Variants in DOCK2 observed in about 807,000 individuals in gnomAD.
DOCK2 encodes the protein dedicator of cytokinesis 2, also known as dedicator of cytokinesis protein 2.
In DOCK2, 87 loss-of-function variants were observed where a neutral mutation model predicts 248.9. The observed-to-expected ratio is 0.35, with a 90% CI of 0.29 to 0.42. The LOEUF is 0.42. Ranked by LOEUF, DOCK2 falls within the 10% of genes least tolerant of loss-of-function variation. The pLI, the probability that DOCK2 is intolerant of heterozygous loss-of-function variation, is 1.00. For synonymous variants in DOCK2, 805 were observed against 821.6 expected (o/e 0.98, Z 0.35); for missense variants, 1,747 against 2,300.2 (o/e 0.76, Z 4.92).
chr5:169,673,693 TTC>T (rs943393992), intron 5 of DOCK2, among the ~76,000 whole-genome samples: 1 of 152,126 alleles, frequency 6.6e-6, no homozygotes, highest in Non-Finnish European at 1.5e-5. Context: ...TCCAAACCTT[TTC>T]TCTCTGTTTG....
At chr5:169,805,481 C>A (rs528396215) in intron 26 of DOCK2, among the ~76,000 whole-genome samples, 1 of 152,280 alleles carries the variant, frequency 6.6e-6, no homozygotes, top group South Asian at 2.1e-4. Context: ...TGCTCAGATC[C>A]CTTTAAATGG....
At chr5:169,967,337 T>A (rs1428377506) in intron 27 of DOCK2, among the ~76,000 whole-genome samples, 7 of 152,066 alleles carry the variant, frequency 4.6e-5, no homozygotes, top group African/African-American at 1.7e-4. Context: ...GTTTAAAAGG[T>A]AGGTAGATAC....
At chr5:169,696,246 G>A (rs867987897) in intron 10 of DOCK2, among the ~76,000 whole-genome samples, 2 of 152,146 alleles carry the variant, frequency 1.3e-5, no homozygotes, top group African/African-American at 4.8e-5. Flanking sequence ...AACAATACAG[G>A]CAGGATCTAA....
chr5:169,780,540 C>T (rs189547116), intron 25 of DOCK2, among the ~76,000 whole-genome samples: 6 of 152,252 alleles, frequency 3.9e-5, no homozygotes, highest in African/African-American at 1.4e-4. Flanking sequence ...TCCATGTATT[C>T]GGGATCTCAG....
rs1308524201 is a variant in DOCK2 at position 169,771,563 on chromosome 5, G to A, written c.2554+9938G>A. 2.0e-5 allele frequency among the ~76,000 whole-genome samples: 3 copies of A among 152,288 alleles called. No homozygotes were observed. In the East Asian group the frequency reaches 5.8e-4, roughly 29 times the overall value. ...CCCAAAGTGCTGAGATTACAGGTGT[G>A]AGCCACCGCACCCGGCCTTTTGTCT... On this transcript the variant is annotated intron_variant, in intron 25 of 51. Transcript: ENST00000520908.
At chr5:170,024,985 C>T (rs1755854253) in intron 33 of DOCK2, among the ~76,000 whole-genome samples, 1 of 152,188 alleles carries the variant, frequency 6.6e-6, no homozygotes, top group Non-Finnish European at 1.5e-5. Context: ...TTCAGCTCAC[C>T]AGGAAGAATC....
intron 27 of DOCK2, among the ~76,000 whole-genome samples, chr5:169,866,675 A>G (rs1771582447): frequency 6.6e-6 from 1 of 152,206 alleles, no homozygotes; most frequent in Admixed American, 6.5e-5. Flanking sequence ...GAGACCTTCT[A>G]GCCAAAGCCC....
At chr5:169,778,508 G>A (rs1320314921) in intron 25 of DOCK2, among the ~76,000 whole-genome samples, 1 of 152,178 alleles carries the variant, frequency 6.6e-6, no homozygotes, top group Non-Finnish European at 1.5e-5. Flanking sequence ...ACAAAAGTCA[G>A]GAAGGCAACA....
At chr5:169,965,278 G>A (rs1363187900) in intron 27 of DOCK2, among the ~76,000 whole-genome samples, 3 of 152,228 alleles carry the variant, frequency 2.0e-5, no homozygotes, top group African/African-American at 7.2e-5. Context: ...TTCTTCAGCT[G>A]CGGGCTGGGG....
At position 169,714,055 on chromosome 5, in the gene DOCK2, A is replaced by G; in HGVS notation, c.1687A>G (p.Ser563Gly). The change falls in exon 18 of 52, where the codon AGC (serine) becomes GGC (glycine). Residue 563 changes from serine (S) to glycine (G), a missense_variant. This residue lies in a region of DOCK2 where 858 missense variants were observed against 1,183.5 expected (regional missense o/e 0.72). Coordinates refer to ENST00000520908, the MANE Select transcript of DOCK2 (RefSeq NM_004946.3). ...KGDSKKMEDA[S>G]AYLTLPSYRH... Reference sequence around the variant, plus strand: ...GGACAGCAAGAAGATGGAGGATGCCAGCGCATACCTGACCCTTCCTTCTTA... The same window carrying G: ...GGACAGCAAGAAGATGGAGGATGCCGGCGCATACCTGACCCTTCCTTCTTA... 1 of 1,608,194 alleles carries G rather than the reference A, an allele frequency of 6.2e-7. No homozygotes were observed. The highest frequency in any genetic ancestry group is 8.5e-7 in the Non-Finnish European group (1 of 1,176,152).
At position 169,711,957 on chromosome 5, in the gene DOCK2, T is replaced by G; in HGVS notation, c.1505T>G (p.Met502Arg). ...GAGGTGGCTGTCCCTATTGAAGACA[T>G]GCAGAGGATCCATCTGCGATTCATG... ...TVKVAVPIED[M>R]QRIHLRFMFR... Residue 502 changes from methionine to arginine, a missense_variant, in exon 16 of 52, where the codon ATG becomes AGG. This residue lies in a region of DOCK2 where 858 missense variants were observed against 1,183.5 expected (regional missense o/e 0.72). Transcript: ENST00000520908. The G allele has an allele frequency of 6.2e-7, 1 of 1,614,080 alleles. No homozygotes were observed. The highest frequency in any genetic ancestry group is 8.5e-7 in the Non-Finnish European group (1 of 1,179,964).
Position 170,079,113 on chromosome 5 carries a change from T to C in DOCK2, c.5133T>C (p.Asp1711=). The change falls in exon 49 of 52, where the codon GAT becomes GAC. Residue 1711 remains aspartate (D), a synonymous_variant. Coordinates refer to ENST00000520908, the MANE Select transcript of DOCK2 (RefSeq NM_004946.3). Reference sequence around the variant, plus strand: ...AGAGAAGCAGCGTAGTTTTTGCGGATGAGAAAGCAGCTGCAGAGTCGGACC... The same window carrying C: ...AGAGAAGCAGCGTAGTTTTTGCGGACGAGAAAGCAGCTGCAGAGTCGGACC... ...RTKRSSVVFA[D]EKAAAESDLK... 6.2e-7 allele frequency: 1 copy of C among 1,613,916 alleles called. No individual in the cohort carries two copies. Among genetic ancestry groups the C allele is most frequent in the Non-Finnish European group, 8.5e-7 (1 of 1,180,000 alleles).
In DOCK2 at chr5:170,069,191, A is replaced by T. The variant is rs764796105; in HGVS notation, c.4699A>T (p.Thr1567Ser). 1 of 1,614,110 alleles carries T rather than the reference A, an allele frequency of 6.2e-7. No homozygotes were observed. Among genetic ancestry groups the T allele is most frequent in the Admixed American group, 1.7e-5 (1 of 60,022 alleles). The change falls in exon 46 of 52, where the codon ACC (threonine) becomes TCC (serine). Residue 1567 changes from threonine to serine, a missense_variant. Thr to Ser is a moderately conservative substitution (Grantham distance 58). Coordinates refer to ENST00000520908, the MANE Select transcript of DOCK2 (RefSeq NM_004946.3). Reference protein sequence around the residue: ...RDHPEDQDKLTHLKDLIAWQI... With the variant: ...RDHPEDQDKLSHLKDLIAWQI... ...CCACCCTGAGGACCAGGACAAGCTGACCCACCTCAAGGACCTGATTGCATG... is the reference window on the plus strand; with the variant it reads ...CCACCCTGAGGACCAGGACAAGCTGTCCCACCTCAAGGACCTGATTGCATG...
chr5:169,851,785 G>A (rs558172864), intron 27 of DOCK2, among the ~76,000 whole-genome samples: 1 of 152,104 alleles, frequency 6.6e-6, no homozygotes, highest in Non-Finnish European at 1.5e-5. Flanking sequence ...GAGAGAGAAG[G>A]GGGAAGAGCC....
In DOCK2 at chr5:169,882,932, G is replaced by C. The variant is rs573686009; in HGVS notation, c.2799+42080G>C. The C allele has an allele frequency of 3.2e-6, 5 of 1,551,978 alleles. No homozygotes were observed. The African/African-American group carries it at 6.8e-5, about 21-fold the overall frequency. On this transcript the variant is annotated intron_variant, in intron 27 of 51. Coordinates refer to ENST00000520908, the MANE Select transcript of DOCK2 (RefSeq NM_004946.3). ...GAAGGACAGTCTGAGGCTCTTCCTG[G>C]GTGGGCTGGCTGGCTGTGGGAGCCT...
intron 47 of DOCK2, 121 bp from the exon 48 acceptor site, chr5:170,077,589 T>C (rs961864271): frequency 6.0e-5 from 86 of 1,426,152 alleles, no homozygotes; most frequent in Middle Eastern, 1.8e-4. Flanking sequence ...GGAACTTTTG[T>C]GCTGATGCTC....
chr5:170,071,255 T>C (rs1248209314), intron 46 of DOCK2, among the ~76,000 whole-genome samples: 1 of 152,242 alleles, frequency 6.6e-6, no homozygotes, highest in Admixed American at 6.5e-5. Context: ...TGAGCCTCTG[T>C]TGTGTCCTAG....
intron 22 of DOCK2, among the ~76,000 whole-genome samples, chr5:169,729,011 C>T (rs187220016): frequency 6.6e-5 from 10 of 152,276 alleles, no homozygotes; most frequent in African/African-American, 2.4e-4. Context: ...AATCTGGGAG[C>T]TAGATTGCTG....
At chr5:169,701,979 A>C (rs1223786942) in intron 13 of DOCK2, among the ~76,000 whole-genome samples, 1 of 152,196 alleles carries the variant, frequency 6.6e-6, no homozygotes, top group Non-Finnish European at 1.5e-5. Context: ...GGATCAATTC[A>C]ATTGGAGCTT....
Sources: gnomAD v4.1 joint callset for allele counts (sites outside exome capture counted in the v4.1 genomes callset) on GRCh38, gnomAD v4.1.1 for gene constraint, gnomAD v4.1.1 regional missense constraint, MANE v1.5 for transcripts, NCBI Gene and HGNC (gene_info 2026-07-23, HGNC 2026-07-21) for gene names.